Variants in GNL3L observed in about 807,000 individuals in gnomAD.
GNL3L encodes the protein G protein nucleolar 3 like.
Under a neutral mutation model 42.9 loss-of-function variants are expected in GNL3L, and 4 were observed. The observed-to-expected ratio is 0.09, with a 90% CI of 0.05 to 0.21. GNL3L has a LOEUF of 0.21. Among genes scored for constraint, GNL3L ranks in the 10% least tolerant of loss-of-function variants. The pLI is 1.00. For synonymous variants in GNL3L, 159 were observed against 176.3 expected, an observed-to-expected ratio of 0.90 and a Z score of 0.78; for missense variants, 412 against 481.7, an observed-to-expected ratio of 0.86 and a Z score of 1.36.
Position 54,564,452 on chromosome X carries a change from T to C in GNL3L, c.*3850T>C, listed in dbSNP as rs1925362790. On this transcript the variant is annotated 3_prime_UTR_variant, in exon 16 of 16. Coordinates refer to ENST00000360845, the MANE Select transcript of GNL3L (RefSeq NM_001184819.2). ...CAGAGTCTAGCTCTGTTGTCCAGGC[T>C]GGAGTGGTGCAGTGGCGTGATCTCG... Among the ~76,000 whole-genome samples the C allele has an allele frequency of 1.0e-5, 1 of 98,748 alleles. No individual in the cohort carries two copies. Among genetic ancestry groups the C allele is most frequent in the Admixed American group, 1.1e-4 (1 of 8,870 alleles). The allele number at this position is 98,748 out of a possible 115,157, so 85.8% of individuals were successfully genotyped here.
At chrX:54,545,867 T>C (rs1924756668) in intron 8 of GNL3L, among the ~76,000 whole-genome samples, 1 of 111,900 alleles carries the variant, frequency 8.9e-6, no homozygotes, top group Admixed American at 9.5e-5. Context: ...TAGATACAGA[T>C]ATTTAGGGTC....
chrX:54,639,057 A>G, the GNL3L span, among the ~76,000 whole-genome samples: 1 of 111,460 alleles, frequency 9.0e-6, no homozygotes, highest in Non-Finnish European at 1.9e-5. Context: ...TCTTGGATGT[A>G]TATATATGGA....
intron 13 of GNL3L, 132 bp downstream of exon 13, chrX:54,552,560 C>T (rs781440678): frequency 7.3e-5 from 39 of 535,409 alleles, no homozygotes; most frequent in Non-Finnish European, 1.1e-4. Context: ...TAAGCAGCTT[C>T]AGGCCTAATT....
intron 16 of GNL3L, among the ~76,000 whole-genome samples, chrX:54,607,093 CTTTCT>C (rs1569542633): frequency 9.8e-5 from 5 of 51,181 alleles, no homozygotes; most frequent in African/African-American, 4.6e-4. Context: ...TTCTTTCTTT[CTTTCT>C]TTCTTTCTTT....
At chrX:54,540,767 C>T (rs545716726) in intron 4 of GNL3L, among the ~76,000 whole-genome samples, 72 of 111,204 alleles carry the variant, frequency 6.5e-4, no homozygotes, top group South Asian at 1.5e-3. Flanking sequence ...AAGCGATTCT[C>T]CTGCCTCAGC....
In GNL3L at chrX:54,554,657, G is replaced by A. The variant is rs765984250; in HGVS notation, c.1411G>A (p.Ala471Thr). Reference protein sequence around the residue: ...KLLHSPMTKIADAIENKTTVY... With the variant: ...KLLHSPMTKITDAIENKTTVY... ...GCTCCATTCTCCGATGACGAAAATA[G>A]CAGATGCCATTGAAAATAAAACCAC... The change falls in exon 14 of 16, where the codon GCA becomes ACA. Residue 471 changes from alanine (A) to threonine (T), a missense_variant. Transcript: ENST00000360845. 4 of 1,206,950 alleles carry A rather than the reference G, an allele frequency of 3.3e-6. No individual in the cohort carries two copies. Among genetic ancestry groups the A allele is most frequent in the Non-Finnish European group, 4.5e-6 (4 of 891,254 alleles).
At chrX:54,607,082 C>CTTCT (rs751343853) in intron 16 of GNL3L, among the ~76,000 whole-genome samples, 1,187 of 21,836 alleles carry the variant, frequency 0.054, 118 homozygotes, top group East Asian at 0.15. Flanking sequence ...CTCTTTCTTT[C>CTTCT]TTCTTTCTTT....
chrX:54,613,881 CT>C, intron 16 of GNL3L, among the ~76,000 whole-genome samples: 1 of 110,407 alleles, frequency 9.1e-6, no homozygotes, highest in East Asian at 2.9e-4. Context: ...GTTTAATGCT[CT>C]TTTTTTGTGC....
intron 16 of GNL3L, among the ~76,000 whole-genome samples, chrX:54,583,833 G>T (rs1246612089): frequency 9.1e-6 from 1 of 109,982 alleles, no homozygotes; most frequent in Non-Finnish European, 1.9e-5. Flanking sequence ...TGTAGAGATG[G>T]GGTTTTGTCA....
intron 2 of GNL3L, among the ~76,000 whole-genome samples, chrX:54,535,360 G>A (rs997023507): frequency 5.4e-5 from 6 of 110,897 alleles, no homozygotes; most frequent in South Asian, 3.8e-4. Flanking sequence ...CTAGTGATCC[G>A]CCCACCTCAG....
chrX:54,541,483 G>T, intron 5 of GNL3L, 94 bp downstream of exon 5: 1 of 533,122 alleles, frequency 1.9e-6, no homozygotes, highest in Non-Finnish European at 3.3e-6. Context: ...TTGTTGGAGG[G>T]GAACAAGGGA....
chrX:54,612,614 G>C (rs1192748884), intron 16 of GNL3L, among the ~76,000 whole-genome samples: 1 of 111,161 alleles, frequency 9.0e-6, no homozygotes, highest in Non-Finnish European at 1.9e-5. Flanking sequence ...TTCCTGTAGT[G>C]GTGGCTTGGT....
At chrX:54,552,472 G>A (rs1226349027) in intron 13 of GNL3L, 44 bp downstream of exon 13, 1 of 1,157,267 alleles carries the variant, frequency 8.6e-7, no homozygotes, top group African/African-American at 1.8e-5. Context: ...GCACTAGTGG[G>A]GCCACACAGA....
At chrX:54,577,222 C>T (rs750699175) in intron 16 of GNL3L, among the ~76,000 whole-genome samples, 111 of 112,361 alleles carry the variant, frequency 9.9e-4, no homozygotes, top group African/African-American at 3.5e-3. Flanking sequence ...CATGTTGTAA[C>T]AGTTCACAAT....
Position 54,560,659 on chromosome X carries a change from T to C in GNL3L, c.*57T>C. ...CACCAGTTCCGGTGGTACGGGGGAA[T>C]ACCAGTGAAATAGTTTGGTTCTCCC... On this transcript the variant is annotated 3_prime_UTR_variant, in exon 16 of 16. Transcript: ENST00000360845. 1 of 698,909 alleles carries C rather than the reference T, an allele frequency of 1.4e-6. No homozygotes were observed. The highest frequency in any genetic ancestry group is 2.3e-6 in the Non-Finnish European group (1 of 432,391). 57.6% of individuals were successfully genotyped at this position (698,909 alleles called of 1,213,427 possible).
chrX:54,590,181 G>T (rs948894849), intron 16 of GNL3L, among the ~76,000 whole-genome samples: 1 of 111,276 alleles, frequency 9.0e-6, no homozygotes, highest in Non-Finnish European at 1.9e-5. Flanking sequence ...TTTGTGATCC[G>T]CCCGCCTCGG....
intron 13 of GNL3L, 34 bp from the exon 14 acceptor site, chrX:54,554,531 C>G (rs367719861): frequency 8.3e-7 from 1 of 1,198,602 alleles, no homozygotes; most frequent in East Asian, 3.0e-5. Flanking sequence ...AGAGGGGAGC[C>G]AGGGCCCTGA....
At chrX:54,539,251 G>A (rs1001264237) in intron 3 of GNL3L, 150 bp downstream of exon 3, 18 of 361,279 alleles carry the variant, frequency 5.0e-5, no homozygotes, top group Admixed American at 4.3e-4. Context: ...CTGGGTGGCC[G>A]CAGCAGAGAA....
chrX:54,536,810 G>A (rs1420530848), intron 2 of GNL3L, among the ~76,000 whole-genome samples: 22 of 93,160 alleles, frequency 2.4e-4, no homozygotes, highest in African/African-American at 9.2e-4. Context: ...CAGAGAGAGA[G>A]AGGGAGGGAG....
Sources: gnomAD v4.1 joint callset for allele counts (sites outside exome capture counted in the v4.1 genomes callset) on GRCh38, gnomAD v4.1.1 for gene constraint, MANE v1.5 for transcripts, NCBI Gene and HGNC (gene_info 2026-07-23, HGNC 2026-07-21) for gene names.